TOP2A: variants seen among roughly 807,000 people sequenced by gnomAD.
TOP2A encodes the protein DNA topoisomerase 2-alpha.
A neutral mutation model predicts 187.2 loss-of-function variants in TOP2A; 68 were observed. The ratio of observed to expected loss-of-function variants is 0.36; its 90% CI spans 0.30 to 0.44. TOP2A has a LOEUF of 0.44. Ranked by LOEUF, TOP2A falls within the 20% of genes least tolerant of loss-of-function variation. TOP2A has a pLI of 1.00. For synonymous variants in TOP2A, 542 were observed against 593.2 expected (o/e 0.91, Z 1.25); for missense variants, 1,196 against 1,808.7 (o/e 0.66, Z 6.14).
At chr17:40,391,415 A>T in intron 33 of TOP2A, 91 bp downstream of exon 33, 1 of 1,248,744 alleles carries the variant, frequency 8.0e-7, no homozygotes, top group Non-Finnish European at 1.1e-6. Context: ...TAATATCAAT[A>T]GTAAGTTTTG....
intron 11 of TOP2A, 46 bp from the exon 12 acceptor site, chr17:40,408,170 C>A: frequency 7.2e-7 from 1 of 1,390,898 alleles, no homozygotes; most frequent in South Asian, 1.3e-5. Flanking sequence ...TTAGTTCAAC[C>A]TCAAATATAC....
intron 34 of TOP2A, 128 bp downstream of exon 34, chr17:40,389,837 G>T: frequency 8.0e-7 from 1 of 1,255,040 alleles, no homozygotes; most frequent in Non-Finnish European, 1.1e-6. Flanking sequence ...AACTAAATAT[G>T]TACAGTAAAA....
chr17:40,393,691 C>T (rs543079236), intron 29 of TOP2A, among the ~76,000 whole-genome samples: 1 of 152,306 alleles, frequency 6.6e-6, no homozygotes, highest in South Asian at 2.1e-4. Flanking sequence ...TCAGGTTGGA[C>T]ACCTTCCTTA....
intron 1 of TOP2A, chr17:40,417,548 GCAA>G: frequency 7.0e-7 from 1 of 1,428,226 alleles, no homozygotes. Flanking sequence ...TAGAAACAGG[GCAA>G]CAACGCACGA....
Position 40,417,771 on chromosome 17 carries a change from C to G in TOP2A, c.21G>C (p.Gln7His), listed in dbSNP as rs1298821177. The G allele has an allele frequency of 6.2e-7, 1 of 1,613,382 alleles. No individual in the cohort carries two copies. Among genetic ancestry groups the G allele is most frequent in the Non-Finnish European group, 8.5e-7 (1 of 1,179,884 alleles). The change falls in exon 1 of 35, where the codon CAG becomes CAC. Residue 7 changes from glutamine (Q) to histidine (H), a missense_variant and splice_region_variant. This residue lies in a region of TOP2A where 97 missense variants were observed against 171.0 expected (regional missense o/e 0.57). Coordinates refer to ENST00000423485, the MANE Select transcript of TOP2A (RefSeq NM_001067.4). ...CGCCAGTCCCCCCCGCGAGCCGTAC[C>G]TGCAATGGTGACACTTCCATGGTGA... MEVSPL[Q>H]PVNENMQVNK...
In TOP2A at chr17:40,416,728, G is replaced by C. The variant is rs1598621629; in HGVS notation, c.177+12C>G. The stretch of plus-strand genomic sequence containing the variant: ...CTACTAGGTTAACTGCCTTTGATGA[G>C]CTTGATTTTACCTGGGTCACTAATT... On this transcript the variant is annotated intron_variant, in intron 2 of 34. Coordinates refer to ENST00000423485, the MANE Select transcript of TOP2A (RefSeq NM_001067.4). 2 of 1,605,250 alleles carry C rather than the reference G, an allele frequency of 1.2e-6. No individual in the cohort carries two copies. Among genetic ancestry groups the C allele is most frequent in the African/African-American group, 1.3e-5 (1 of 74,418 alleles).
rs1411867746 is a variant in TOP2A at position 40,411,403 on chromosome 17, T to C, written c.1016A>G (p.Asp339Gly). 1.9e-6 allele frequency: 3 copies of C among 1,613,842 alleles called. No individual in the cohort carries two copies. In the South Asian group the frequency reaches 3.3e-5, roughly 18 times the overall value. ...VADQIVTKLV[D>G]VVKKKNKGGV... ...ACCCTTGTTCTTCTTCTTCACAACA[T>C]CAACAAGTTTAGTCACAATCTGATC... The change falls in exon 9 of 35, where the codon GAT (aspartate) becomes GGT (glycine). Residue 339 changes from aspartate to glycine, a missense_variant. This residue lies in a region of TOP2A where 252 missense variants were observed against 434.8 expected (regional missense o/e 0.58). Coordinates refer to ENST00000423485, the MANE Select transcript of TOP2A (RefSeq NM_001067.4). This position sits in a 1 kb window ranked among gnomAD's most constrained non-coding sequence, Gnocchi z 4.4.
At chr17:40,417,487 C>G in intron 1 of TOP2A, 1 of 1,354,280 alleles carries the variant, frequency 7.4e-7, no homozygotes, top group Non-Finnish European at 9.6e-7. Context: ...TAACGTCGCA[C>G]CCGGGCCGCT....
chr17:40,389,325 C>T lies in TOP2A; in HGVS notation c.*194G>A. On this transcript the variant is annotated 3_prime_UTR_variant, in exon 35 of 35. Coordinates refer to ENST00000423485, the MANE Select transcript of TOP2A (RefSeq NM_001067.4). Reference sequence around the variant, plus strand: ...GACAAAGCAGAGAAGAAAACAATGCCCATGAGATGGTCACTATTTAGACAG... The same window carrying T: ...GACAAAGCAGAGAAGAAAACAATGCTCATGAGATGGTCACTATTTAGACAG... The T allele has an allele frequency of 2.0e-6, 1 of 503,532 alleles. No homozygotes were observed. Among genetic ancestry groups the T allele is most frequent in the Non-Finnish European group, 3.4e-6 (1 of 297,306 alleles). 31.2% of individuals were successfully genotyped at this position (503,532 alleles called of 1,614,324 possible). A position where few individuals can be genotyped will look rare whatever the true frequency, so the allele number is the denominator to read the frequency against.
intron 30 of TOP2A, 46 bp from the exon 31 acceptor site, chr17:40,392,387 G>T: frequency 6.4e-7 from 1 of 1,552,288 alleles, no homozygotes; most frequent in African/African-American, 1.4e-5. Context: ...GGTAGTAGGA[G>T]AAACAATTCA....
At chr17:40,402,855 T>C (rs1285312206) in intron 20 of TOP2A, 51 bp downstream of exon 20, 2 of 1,536,564 alleles carry the variant, frequency 1.3e-6, no homozygotes, top group Non-Finnish European at 1.8e-6. Flanking sequence ...AAATCTCACA[T>C]TGTTTCAAAA....
chr17:40,415,904 C>G (rs1458468420), intron 4 of TOP2A, 101 bp downstream of exon 4: 5 of 803,550 alleles, frequency 6.2e-6, no homozygotes, highest in Non-Finnish European at 8.2e-6. Flanking sequence ...GTGTACTTTT[C>G]TCAACTTCTG....
chr17:40,396,595 G>C (rs2035103342), intron 27 of TOP2A, 130 bp from the exon 28 acceptor site: 2 of 1,136,978 alleles, frequency 1.8e-6, no homozygotes, highest in Non-Finnish European at 2.5e-6. Context: ...CCATAACCTA[G>C]TATACTATCA....
intron 29 of TOP2A, 32 bp from the exon 30 acceptor site, chr17:40,392,769 T>C: frequency 2.6e-6 from 4 of 1,549,562 alleles, no homozygotes; most frequent in Non-Finnish European, 3.5e-6. Flanking sequence ...ATCACCTTTA[T>C]ATATTAGACC....
Position 40,412,844 on chromosome 17 carries a change from A to G in TOP2A, c.704T>C (p.Ile235Thr), listed in dbSNP as rs748067068. Residue 235 changes from isoleucine to threonine, a missense_variant, in exon 7 of 35, where the codon ATT (isoleucine) becomes ACT (threonine). By Grantham distance (89) the Ile-to-Thr change is moderately conservative. This residue lies in a region of TOP2A where 252 missense variants were observed against 434.8 expected (regional missense o/e 0.58). Transcript: ENST00000423485. The part of the protein sequence containing the change: ...KFKMQSLDKD[I>T]VALMVRRAYD... Reference sequence around the variant, plus strand: ...TGCTCTTCTGACCATTAGTGCAACAATATCTTTGTCCAGGCTTTGCATTTT... The same window carrying G: ...TGCTCTTCTGACCATTAGTGCAACAGTATCTTTGTCCAGGCTTTGCATTTT... The G allele has an allele frequency of 1.9e-6, 3 of 1,614,006 alleles. No homozygotes were observed. Among genetic ancestry groups the G allele is most frequent in the East Asian group, 4.5e-5 (2 of 44,878 alleles).
chr17:40,396,268 C>T lies in TOP2A; in HGVS notation c.3720+15G>A. 1.4e-6 allele frequency: 2 copies of T among 1,439,650 alleles called. No individual in the cohort carries two copies. Among genetic ancestry groups the T allele is most frequent in the South Asian group, 2.4e-5 (2 of 83,616 alleles). The allele number at this position is 1,439,650 out of a possible 1,614,324, so 89.2% of individuals were successfully genotyped here. A position where few individuals can be genotyped will look rare whatever the true frequency, so the allele number is the denominator to read the frequency against. On this transcript the variant is annotated intron_variant, in intron 28 of 34. Coordinates refer to ENST00000423485, the MANE Select transcript of TOP2A (RefSeq NM_001067.4). ...GTGCTGGGATTATAGGTGTGAGCCACCACAAGAGTATTACCTTAATTTTCT... is the reference window on the plus strand; with the variant it reads ...GTGCTGGGATTATAGGTGTGAGCCATCACAAGAGTATTACCTTAATTTTCT...
At chr17:40,392,534 T>A in intron 30 of TOP2A, 51 bp downstream of exon 30, 1 of 1,563,386 alleles carries the variant, frequency 6.4e-7, no homozygotes, top group Non-Finnish European at 8.7e-7. Flanking sequence ...TGAAGTATAT[T>A]GGCCATTCCA....
chr17:40,402,888 A>G lies in TOP2A; in HGVS notation c.2432+18T>C. 1 of 1,569,658 alleles carries G rather than the reference A, an allele frequency of 6.4e-7. No individual in the cohort carries two copies. Among genetic ancestry groups the G allele is most frequent in the Non-Finnish European group, 8.7e-7 (1 of 1,155,050 alleles). On this transcript the variant is annotated intron_variant, in intron 20 of 34. Transcript: ENST00000423485. ...AAACTGGAAATGGCAAGTCACTAGA[A>G]AGTGAAAGCATACCTACCTGAGCAT...
chr17:40,412,821 C>T lies in TOP2A; in HGVS notation c.727G>A (p.Ala243Thr). ...KDIVALMVRR[A>T]YDIAGSTKDV... ...TTGGTGGATCCAGCAATATCATATG[C>T]TCTTCTGACCATTAGTGCAACAATA... Residue 243 changes from alanine to threonine, a missense_variant, in exon 7 of 35, where the codon GCA (alanine) becomes ACA (threonine). Around this residue, in one of 10 missense-constraint regions of TOP2A, gnomAD observed 252 missense variants for 434.8 expected, o/e 0.58. Coordinates refer to ENST00000423485, the MANE Select transcript of TOP2A (RefSeq NM_001067.4). The T allele has an allele frequency of 5.0e-6, 8 of 1,613,976 alleles. No individual in the cohort carries two copies. Among genetic ancestry groups the T allele is most frequent in the Non-Finnish European group, 6.8e-6 (8 of 1,179,890 alleles).
Sources: gnomAD v4.1 joint callset for allele counts (sites outside exome capture counted in the v4.1 genomes callset) on GRCh38, gnomAD v4.1.1 for gene constraint, gnomAD v4.1.1 regional missense constraint, Gnocchi (gnomAD v3.1) non-coding constraint, MANE v1.5 for transcripts, NCBI Gene and HGNC (gene_info 2026-07-23, HGNC 2026-07-21) for gene names.